The following SAMD11 variants were observed in gnomAD, a reference collection of about 807,000 sequenced individuals.
SAMD11 encodes sterile alpha motif domain-containing protein 11.
A neutral mutation model predicts 64.4 loss-of-function variants in SAMD11; 77 were observed. That is an observed-to-expected ratio of 1.20 (90% CI 0.99 to 1.44). SAMD11 has a LOEUF of 1.44. Ranked by LOEUF, SAMD11 falls within the 40% of genes most tolerant of loss-of-function variation. SAMD11 has a pLI of 0.00. For missense variants in SAMD11, 1,402 were observed against 943.3 expected (o/e 1.49, Z -6.37); for synonymous variants, 658 against 421.9 (o/e 1.56, Z -6.86).
At chr1:933,195 C>T (rs918571208) in intron 4 of SAMD11, among the ~76,000 whole-genome samples, 24 of 152,230 alleles carry the variant, frequency 1.6e-4, no homozygotes, top group African/African-American at 4.1e-4. Flanking sequence ...GTGCCCGGGC[C>T]GGGTTCCTGC....
intron 4 of SAMD11, among the ~76,000 whole-genome samples, chr1:933,988 C>CTGCTCCGTTACAGGTGGGCGGGGGAGGT (rs1641290588): frequency 6.8e-6 from 1 of 147,530 alleles, no homozygotes; most frequent in African/African-American, 2.6e-5. Flanking sequence ...GCAGGGGAGG[C>CTGCTCCGTTACAGGTGGGCGGGGGAGGT]GGCTGCGTTA....
intron 2 of SAMD11, among the ~76,000 whole-genome samples, chr1:929,852 G>A (rs1641085630): frequency 6.6e-6 from 1 of 152,206 alleles, no homozygotes; most frequent in African/African-American, 2.4e-5. Flanking sequence ...GGGTGGGGCA[G>A]GGGAGGGCTG....
rs377062272 is a variant in SAMD11, at chr1:943,242, C to T, written c.2054-11C>T. On this transcript the variant is annotated splice_polypyrimidine_tract_variant and intron_variant, in intron 11 of 13. Transcript: ENST00000616016. ...CCAGCCAGAGCCCTAGTAACACGCC[C>T]CACAACTCAGGCGCGGTAGGGGGAC... The T allele has an allele frequency of 6.8e-6, 11 of 1,612,660 alleles. No individual in the cohort carries two copies. The African/African-American group carries it at 1.5e-4, about 22-fold the overall frequency.
intron 2 of SAMD11, among the ~76,000 whole-genome samples, chr1:928,271 A>G (rs1641001261): frequency 6.6e-6 from 1 of 152,248 alleles, no homozygotes. Flanking sequence ...GGGTGCCTGT[A>G]GTCCCAGCTA....
At chr1:935,598 G>A (rs59847387) in intron 4 of SAMD11, among the ~76,000 whole-genome samples, 174 bp from the exon 5 acceptor site, 76 of 152,334 alleles carry the variant, frequency 5.0e-4, no homozygotes, top group African/African-American at 1.8e-3. Context: ...CGGGTGCTGC[G>A]TGGGTGTGCA....
At chr1:941,408 T>G in intron 8 of SAMD11, 102 bp downstream of exon 8, 1 of 1,209,514 alleles carries the variant, frequency 8.3e-7, no homozygotes, top group Non-Finnish European at 1.1e-6. Context: ...AGCACTGTGT[T>G]CAGCTCTAGG....
At position 944,074 on chromosome 1, in the gene SAMD11, G is replaced by C; in HGVS notation, c.2456G>C (p.Gly819Ala). 1 of 1,612,662 alleles carries C rather than the reference G, an allele frequency of 6.2e-7. No individual in the cohort carries two copies. The highest frequency in any genetic ancestry group is 8.5e-7 in the Non-Finnish European group (1 of 1,179,944). The change falls in exon 14 of 14, where the codon GGT (glycine) becomes GCT (alanine). Residue 819 changes from glycine to alanine, a missense_variant. Gly to Ala is a moderately conservative substitution (Grantham distance 60). Coordinates refer to ENST00000616016, the MANE Select transcript of SAMD11 (RefSeq NM_001385641.1). ...SPYGGGHALA[G>A]QTSPKQENGT... ...TATGGAGGGGGCCACGCCCTTGCCG[G>C]TCAAACTTCACCCAAGCAGGAGAAT...
chr1:930,273 C>G lies in SAMD11; in HGVS notation c.728C>G (p.Thr243Ser). 1 of 1,608,648 alleles carries G rather than the reference C, an allele frequency of 6.2e-7. No homozygotes were observed. The highest frequency in any genetic ancestry group is 8.5e-7 in the Non-Finnish European group (1 of 1,178,008). ...GGTGACAGCGACGGGAGTGGCCCCACCTGTGGGCGGCGGCCAGGCTTGAAG... is the reference window on the plus strand; with the variant it reads ...GGTGACAGCGACGGGAGTGGCCCCAGCTGTGGGCGGCGGCCAGGCTTGAAG... ...SDGDSDGSGP[T>S]CGRRPGLKQE... Residue 243 changes from threonine (T) to serine (S), a missense_variant, in exon 3 of 14, where the codon ACC (threonine) becomes AGC (serine). Transcript: ENST00000616016.
At chr1:935,206 G>A (rs1297219544) in intron 4 of SAMD11, among the ~76,000 whole-genome samples, 1 of 152,186 alleles carries the variant, frequency 6.6e-6, no homozygotes, top group African/African-American at 2.4e-5. Context: ...GGGGACAGCG[G>A]GAGGTTGGAG....
At chr1:938,676 G>A (rs1339123051) in intron 5 of SAMD11, among the ~76,000 whole-genome samples, 2 of 152,328 alleles carry the variant, frequency 1.3e-5, no homozygotes, top group East Asian at 3.9e-4. Flanking sequence ...GTCCAGGAGG[G>A]GAAGGTGGTG....
chr1:926,998 C>T (rs757741185), intron 2 of SAMD11, among the ~76,000 whole-genome samples: 54 of 152,132 alleles, frequency 3.5e-4, no homozygotes, highest in Non-Finnish European at 6.9e-4. Context: ...CCATGAGTGC[C>T]GTAGCCAGGG....
At chr1:936,179 G>A (rs1021784374) in intron 5 of SAMD11, among the ~76,000 whole-genome samples, 2 of 152,212 alleles carry the variant, frequency 1.3e-5, no homozygotes, top group Non-Finnish European at 2.9e-5. Context: ...GGCCTCAGAG[G>A]TTCAGAAACG....
chr1:939,944 C>T (rs1365039109), intron 7 of SAMD11, among the ~76,000 whole-genome samples: 1 of 152,096 alleles, frequency 6.6e-6, no homozygotes, highest in Non-Finnish European at 1.5e-5. Flanking sequence ...CGGCCCTGAC[C>T]CTGTCCACCC....
chr1:942,442 A>G lies in SAMD11; in HGVS notation c.1507A>G (p.Met503Val). Residue 503 changes from methionine (M) to valine (V), a missense_variant, in exon 10 of 14, where the codon ATG (methionine) becomes GTG (valine). Physicochemically the swap from Met to Val is conservative, Grantham distance 21. Coordinates refer to ENST00000616016, the MANE Select transcript of SAMD11 (RefSeq NM_001385641.1). ...CTTCCTGCCCCCCGCGCAGGCGGAG[A>G]TGTTCGCCTGGCAGCAGGAGCTCCT... ...YGFLPPAQAE[M>V]FAWQQELLRK... 1 of 1,483,782 alleles carries G rather than the reference A, an allele frequency of 6.7e-7. No individual in the cohort carries two copies. Among genetic ancestry groups the G allele is most frequent in the Non-Finnish European group, 8.9e-7 (1 of 1,123,148 alleles). The allele number at this position is 1,483,782 out of a possible 1,614,324, so 91.9% of individuals were successfully genotyped here.
Position 930,336 on chromosome 1 carries a change from G to A in SAMD11, c.791G>A (p.Arg264Lys), listed in dbSNP as rs762079957. 53 of 1,600,808 alleles carry A rather than the reference G, an allele frequency of 3.3e-5. No homozygotes were observed. Among genetic ancestry groups the A allele is most frequent in the Non-Finnish European group, 4.4e-5 (52 of 1,173,978 alleles). Residue 264 changes from arginine (R) to lysine (K), a missense_variant and splice_region_variant, in exon 3 of 14, where the codon AGA (arginine) becomes AAA (lysine). Arg to Lys is a conservative substitution (Grantham distance 26). Transcript: ENST00000616016. ...DGPHIRIMKR[R>K]VHTHWDVNIS... ...CCGCACATCCGTATCATGAAGAGAAGGTACTTGGACCAGGGCCGGACAGGA... is the reference window on the plus strand; with the variant it reads ...CCGCACATCCGTATCATGAAGAGAAAGTACTTGGACCAGGGCCGGACAGGA...
chr1:928,598 G>A (rs74047403), intron 2 of SAMD11, among the ~76,000 whole-genome samples: 9,972 of 152,354 alleles, frequency 0.065, 728 homozygotes, highest in African/African-American at 0.16. Context: ...GGCCTTGGCC[G>A]CACTCTGTGG....
In SAMD11 at chr1:943,781, G is replaced by A. The variant is rs1641976029; in HGVS notation, c.2262G>A (p.Leu754=). 3.7e-6 allele frequency: 6 copies of A among 1,612,572 alleles called. No individual in the cohort carries two copies. Among genetic ancestry groups the A allele is most frequent in the Non-Finnish European group, 5.1e-6 (6 of 1,179,890 alleles). ...EHLLTNMGLK[L]GPALKIRAQV... Reference sequence around the variant, plus strand: ...TGCTGACCAACATGGGGCTGAAGCTGGGGCCCGCCCTCAAGATCCGGGCCC... The same window carrying A: ...TGCTGACCAACATGGGGCTGAAGCTAGGGCCCGCCCTCAAGATCCGGGCCC... Residue 754 remains leucine (L), a synonymous_variant, in exon 13 of 14, where the codon CTG becomes CTA. Transcript: ENST00000616016.
chr1:931,534 C>T (rs186346832), intron 4 of SAMD11, among the ~76,000 whole-genome samples: 34 of 152,228 alleles, frequency 2.2e-4, no homozygotes, highest in Non-Finnish European at 3.7e-4. Context: ...GGGATGTCTG[C>T]AGAGTAGAGG....
chr1:928,286 G>A (rs1458033937), intron 2 of SAMD11, among the ~76,000 whole-genome samples: 5 of 152,230 alleles, frequency 3.3e-5, no homozygotes. Flanking sequence ...CAGCTACTTG[G>A]GAGGCTGAGG....
Sources: gnomAD v4.1 joint callset for allele counts (sites outside exome capture counted in the v4.1 genomes callset) on GRCh38, gnomAD v4.1.1 for gene constraint, MANE v1.5 for transcripts, NCBI Gene and HGNC (gene_info 2026-07-23, HGNC 2026-07-21) for gene names.